The following FGF14 variants were observed in gnomAD, a reference collection of about 807,000 sequenced individuals.
The protein encoded by FGF14 is fibroblast growth factor homologous factor 4.
Under a neutral mutation model 25.5 loss-of-function variants are expected in FGF14, and 5 were observed. That is an observed-to-expected ratio of 0.20 (90% CI 0.10 to 0.41). The LOEUF (loss-of-function observed/expected upper bound fraction) is 0.41, where lower values mean the gene tolerates loss of function less well. Ranked by LOEUF, FGF14 falls within the 10% of genes least tolerant of loss-of-function variation. The probability of loss-of-function intolerance (pLI) is 1.00; values close to 1 mark genes in which losing one functional copy is unlikely to be tolerated. For synonymous variants in FGF14, 138 were observed against 118.3 expected, an observed-to-expected ratio of 1.17 and a Z score of -1.08; for missense variants, 222 against 320.1, an observed-to-expected ratio of 0.69 and a Z score of 2.34.
intron 3 of FGF14, among the ~76,000 whole-genome samples, chr13:101,830,492 G>C (rs542503723): frequency 3.3e-5 from 5 of 152,024 alleles, no homozygotes; most frequent in African/African-American, 1.2e-4. Flanking sequence ...GTTACCGGTT[G>C]TACATGGGCT....
intron 3 of FGF14, among the ~76,000 whole-genome samples, chr13:101,750,727 C>T (rs1171153988): frequency 3.9e-5 from 6 of 152,074 alleles, no homozygotes; most frequent in Non-Finnish European, 8.8e-5. Flanking sequence ...CTTACATCCA[C>T]ACAAAAACTT....
chr13:102,303,544 G>A (rs1177760978), intron 1 of FGF14, among the ~76,000 whole-genome samples: 1 of 152,116 alleles, frequency 6.6e-6, no homozygotes, highest in East Asian at 1.9e-4. Context: ...AACATTTATT[G>A]GGTGTTTGCC....
intron 1 of FGF14, among the ~76,000 whole-genome samples, chr13:102,145,155 T>C (rs541606163): frequency 6.6e-6 from 1 of 152,306 alleles, no homozygotes; most frequent in South Asian, 2.1e-4. Flanking sequence ...GGCATATGAA[T>C]CCTCCATTTG....
intron 1 of FGF14, among the ~76,000 whole-genome samples, chr13:102,262,494 G>T (rs1301041341): frequency 2.0e-5 from 3 of 151,948 alleles, no homozygotes; most frequent in Non-Finnish European, 4.4e-5. Context: ...GTGTTTCTTG[G>T]TGGGTAATTG....
At chr13:102,101,708 T>A (rs926464542) in intron 1 of FGF14, among the ~76,000 whole-genome samples, 2 of 141,508 alleles carry the variant, frequency 1.4e-5, no homozygotes, top group Admixed American at 1.4e-4. Context: ...TCCCCCCAAC[T>A]TTTTTTTTTT....
chr13:101,955,835 A>G (rs1013651732), intron 1 of FGF14, among the ~76,000 whole-genome samples: 6 of 152,240 alleles, frequency 3.9e-5, no homozygotes, highest in African/African-American at 1.4e-4. Context: ...CAAGAGAGCT[A>G]TTTACCATCC....
At chr13:102,034,511 T>C (rs79913715) in intron 1 of FGF14, among the ~76,000 whole-genome samples, 5,358 of 152,174 alleles carry the variant, frequency 0.035, 289 homozygotes, top group African/African-American at 0.12. Flanking sequence ...ATCCTCCGAC[T>C]AGAGCTGCAA....
intron 1 of FGF14, among the ~76,000 whole-genome samples, chr13:102,275,246 CT>C (rs1363812310): frequency 9.5e-6 from 1 of 105,140 alleles, no homozygotes; most frequent in African/African-American, 3.7e-5. Context: ...CTCTCTCTCT[CT>C]CTCTCTCTCT....
intron 1 of FGF14, among the ~76,000 whole-genome samples, chr13:102,129,021 T>C (rs966518371): frequency 6.6e-5 from 10 of 152,122 alleles, no homozygotes; most frequent in African/African-American, 2.2e-4. Context: ...AGGTGGAAGT[T>C]GCAGAAGTTG....
At position 101,815,799 on chromosome 13, in the gene FGF14, T is replaced by C. The variant is rs187473058; in HGVS notation, c.408+52926A>G. On this transcript the variant is annotated intron_variant, in intron 3 of 4. Coordinates refer to ENST00000376143, the MANE Select transcript of FGF14 (RefSeq NM_004115.4). ...AACTCGGTGGTTCTGAGTGCCTGAT[T>C]AGGCAAAAGTCAAGAATGATATGAG... 4.4e-4 allele frequency among the ~76,000 whole-genome samples: 67 copies of C among 152,030 alleles called. 1 individual carries two copies. In the East Asian group the frequency reaches 0.012, roughly 27 times the overall value.
At chr13:102,172,704 T>C (rs2048299752) in intron 1 of FGF14, among the ~76,000 whole-genome samples, 1 of 152,134 alleles carries the variant, frequency 6.6e-6, no homozygotes, top group Non-Finnish European at 1.5e-5. Context: ...GAGCCCACAA[T>C]GAAGAGCATT....
rs115946805 is a variant in FGF14, at chr13:101,781,901, G to C, written c.409-55091C>G. ...TAAGCAAAGAGCCAAACCAGCAATT[G>C]AATCAATAAAGCCTACTATGCTTTC... is the stretch of plus-strand genomic sequence containing the variant. On this transcript the variant is annotated intron_variant, in intron 3 of 4. Coordinates refer to ENST00000376143, the MANE Select transcript of FGF14 (RefSeq NM_004115.4). 7.6e-3 allele frequency among the ~76,000 whole-genome samples: 1,158 copies of C among 152,276 alleles called. 15 individuals are homozygous for C. The highest frequency in any genetic ancestry group is 0.026 in the African/African-American group (1,068 of 41,548).
At chr13:101,875,603 G>T (rs916108390) in intron 1 of FGF14, among the ~76,000 whole-genome samples, 1 of 151,922 alleles carries the variant, frequency 6.6e-6, no homozygotes, top group African/African-American at 2.4e-5. Flanking sequence ...AACTATAAAC[G>T]AATTATTATA....
chr13:102,036,539 ACAT>A (rs1337921574), intron 1 of FGF14, among the ~76,000 whole-genome samples: 1 of 152,104 alleles, frequency 6.6e-6, no homozygotes, highest in Non-Finnish European at 1.5e-5. Flanking sequence ...TTTCCAAACA[ACAT>A]CATATGATGT....
At chr13:101,941,911 T>C (rs1370089725) in intron 1 of FGF14, among the ~76,000 whole-genome samples, 3 of 152,166 alleles carry the variant, frequency 2.0e-5, no homozygotes, top group Admixed American at 6.5e-5. Context: ...CTTTTGCTTA[T>C]TGGGTAGCAT....
intron 1 of FGF14, among the ~76,000 whole-genome samples, chr13:101,884,077 A>AAAAAAAAAAAAAAC (rs2045866303): frequency 6.7e-6 from 1 of 149,076 alleles, no homozygotes; most frequent in Non-Finnish European, 1.5e-5. Flanking sequence ...AAAAAAAAAA[A>AAAAAAAAAAAAAAC]AAAAAAAAAA....
At chr13:101,812,649 ATATATTTTTTTTTTTT>A (rs2041630187) in intron 3 of FGF14, among the ~76,000 whole-genome samples, 2 of 8,450 alleles carry the variant, frequency 2.4e-4, no homozygotes, top group Non-Finnish European at 4.5e-4. Context: ...ATATATATAT[ATATATTTTTTTTTTTT>A]TTTTTTTTTT....
At chr13:101,724,597 A>AATATATATAT (rs201033233) in intron 4 of FGF14, among the ~76,000 whole-genome samples, 4,042 of 120,572 alleles carry the variant, frequency 0.034, 106 homozygotes, top group Non-Finnish European at 0.05. Context: ...ATAATAATAA[A>AATATATATAT]ATATATATAT....
intron 1 of FGF14, among the ~76,000 whole-genome samples, chr13:102,113,501 T>C (rs1467121780): frequency 6.6e-6 from 1 of 152,240 alleles, no homozygotes; most frequent in Non-Finnish European, 1.5e-5. Flanking sequence ...GGAAAGTATC[T>C]TAATTATAAC....
Sources: allele counts gnomAD v4.1 joint callset (sites outside exome capture counted in the v4.1 genomes callset), GRCh38; gene constraint gnomAD v4.1.1; transcripts MANE v1.5; gene names NCBI Gene and HGNC (gene_info 2026-07-23, HGNC 2026-07-21).